The following ECM2 variants were observed in gnomAD, a reference collection of about 807,000 sequenced individuals.
ECM2 encodes extracellular matrix protein 2.
A neutral mutation model predicts 67.5 loss-of-function variants in ECM2; 57 were observed. The ratio of observed to expected loss-of-function variants is 0.84; its 90% confidence interval spans 0.68 to 1.05. The LOEUF (loss-of-function observed/expected upper bound fraction) is 1.05, where lower values mean the gene tolerates loss of function less well. Ranked by LOEUF, ECM2 falls within the 50% of genes least tolerant of loss-of-function variation. The pLI, the probability that ECM2 is intolerant of heterozygous loss-of-function variation, is 0.00. For missense variants in ECM2, 741 were observed against 822.8 expected, an observed-to-expected ratio of 0.90 and a Z score of 1.22; for synonymous variants, 258 against 294.5, an observed-to-expected ratio of 0.88 and a Z score of 1.27.
chr9:92,535,536 TATTA>T (rs1207060187), intron 1 of ECM2, among the ~76,000 whole-genome samples: 1 of 152,150 alleles, frequency 6.6e-6, no homozygotes, highest in Non-Finnish European at 1.5e-5. Context: ...ACTTTAAAAA[TATTA>T]ATTTAGAATT....
intron 2 of ECM2, among the ~76,000 whole-genome samples, chr9:92,520,945 G>A (rs1303254628): frequency 1.3e-5 from 2 of 152,238 alleles, no homozygotes; most frequent in Non-Finnish European, 2.9e-5. Context: ...TGGTTGCCAA[G>A]GGCTGGGAGT....
upstream of ECM2, among the ~76,000 whole-genome samples, chr9:92,537,239 T>C (rs1382689552): frequency 1.3e-5 from 2 of 152,104 alleles, no homozygotes; most frequent in African/African-American, 4.8e-5. Flanking sequence ...TAAATATTTG[T>C]TTAAATGACG....
At chr9:92,549,664 C>CAAA in the ECM2 span, among the ~76,000 whole-genome samples, 1 of 145,050 alleles carries the variant, frequency 6.9e-6, no homozygotes, top group Non-Finnish European at 1.5e-5. Flanking sequence ...AAAAACAAAA[C>CAAA]AAAACAAAAC....
intron 3 of ECM2, among the ~76,000 whole-genome samples, chr9:92,516,447 T>C (rs747632136): frequency 6.6e-5 from 10 of 152,074 alleles, no homozygotes; most frequent in South Asian, 2.1e-4. Context: ...TATAAACTAC[T>C]CCCAAAAAGA....
At chr9:92,521,926 A>C (rs1588223959) in intron 2 of ECM2, among the ~76,000 whole-genome samples, 1 of 152,220 alleles carries the variant, frequency 6.6e-6, no homozygotes, top group Non-Finnish European at 1.5e-5. Flanking sequence ...GATTACAACT[A>C]TTTAAAATAT....
At chr9:92,527,679 T>C (rs949702109) in intron 1 of ECM2, among the ~76,000 whole-genome samples, 2 of 152,086 alleles carry the variant, frequency 1.3e-5, no homozygotes, top group African/African-American at 2.4e-5. Context: ...CAAGCCACAG[T>C]GTCTACCACC....
intron 1 of ECM2, among the ~76,000 whole-genome samples, chr9:92,527,368 A>G (rs1848477563): frequency 6.6e-6 from 1 of 152,194 alleles, no homozygotes; most frequent in Non-Finnish European, 1.5e-5. Flanking sequence ...AGTTTTCAGT[A>G]CAGTCATGGG....
intron 1 of ECM2, among the ~76,000 whole-genome samples, chr9:92,524,540 G>A (rs1371729949): frequency 6.6e-6 from 1 of 152,122 alleles, no homozygotes; most frequent in East Asian, 1.9e-4. Flanking sequence ...AGTTTTGACT[G>A]CCTCTCAGAA....
chr9:92,550,207 C>A, the ECM2 span, among the ~76,000 whole-genome samples: 1 of 152,104 alleles, frequency 6.6e-6, no homozygotes, highest in African/African-American at 2.4e-5. Context: ...ACCATCCTGG[C>A]CAACATGGCG....
Position 92,522,716 on chromosome 9 carries a change from T to C in ECM2, c.151A>G (p.Arg51Gly), listed in dbSNP as rs765740420. The change falls in exon 2 of 10, where the codon AGA (arginine) becomes GGA (glycine). Residue 51 changes from arginine to glycine, a missense_variant. Arg to Gly is a moderately radical substitution (Grantham distance 125). Transcript: ENST00000344604. ...SSTSHKHRSN[R>G]QLGIQQTTVF... The stretch of plus-strand genomic sequence containing the variant: ...GTTGTTTGCTGAATTCCAAGCTGTC[T>C]GTTTGATCTGTGCTTGTGTGAGGTT... The C allele has an allele frequency of 9.3e-6, 15 of 1,614,072 alleles. No homozygotes were observed. The highest frequency in any genetic ancestry group is 1.3e-5 in the Non-Finnish European group (15 of 1,180,036).
the ECM2 span, among the ~76,000 whole-genome samples, chr9:92,546,386 C>G: frequency 6.6e-6 from 1 of 152,176 alleles, no homozygotes; most frequent in African/African-American, 2.4e-5. Context: ...ATAAATCTTG[C>G]TGCTGCTCAC....
intron 1 of ECM2, among the ~76,000 whole-genome samples, chr9:92,531,573 C>T (rs1283658628): frequency 6.6e-6 from 1 of 152,088 alleles, no homozygotes; most frequent in Non-Finnish European, 1.5e-5. Flanking sequence ...ATATTATAGG[C>T]TATTTATCAG....
At chr9:92,532,997 GAATT>G (rs1381836897) in intron 1 of ECM2, among the ~76,000 whole-genome samples, 3 of 151,830 alleles carry the variant, frequency 2.0e-5, no homozygotes, top group African/African-American at 7.3e-5. Flanking sequence ...TCACCATATT[GAATT>G]AATAATTATG....
At chr9:92,545,144 C>T in the ECM2 span, among the ~76,000 whole-genome samples, 3 of 152,220 alleles carry the variant, frequency 2.0e-5, no homozygotes, top group Admixed American at 6.5e-5. Flanking sequence ...CCACTCTGGC[C>T]GTGCTTGAGG....
chr9:92,512,082 G>A lies in ECM2; in HGVS notation c.1099C>T (p.Pro367Ser). ...CTCAGATCAAGCCTTTCCAAATTTG[G>A]TAATCCATTAAATGCTTCATCTGGG... ...SIPDEAFNGL[P>S]NLERLDLSKN... The change falls in exon 5 of 10, where the codon CCA becomes TCA. Residue 367 changes from proline to serine, a missense_variant. Coordinates refer to ENST00000344604, the MANE Select transcript of ECM2 (RefSeq NM_001393.4). 1.2e-6 allele frequency: 2 copies of A among 1,613,796 alleles called. No homozygotes were observed. Among genetic ancestry groups the A allele is most frequent in the Non-Finnish European group, 1.7e-6 (2 of 1,179,844 alleles).
In ECM2 at chr9:92,514,795, A is replaced by G. The variant is rs759968032; in HGVS notation, c.890T>C (p.Met297Thr). 2.5e-6 allele frequency: 4 copies of G among 1,613,846 alleles called. No individual in the cohort carries two copies. The highest frequency in any genetic ancestry group is 1.3e-5 in the African/African-American group (1 of 74,966). ...CGGGGATCGAGAGGGCATTCGGAAC[A>G]TATCTCCTCTTACCGGGTCCTCCTC... ...EDEEDPVRGD[M>T]FRMPSRSPLP... The change falls in exon 4 of 10, where the codon ATG (methionine) becomes ACG (threonine). Residue 297 changes from methionine to threonine, a missense_variant. Transcript: ENST00000344604.
intron 8 of ECM2, among the ~76,000 whole-genome samples, chr9:92,501,732 T>C (rs970633746): frequency 6.6e-6 from 1 of 152,218 alleles, no homozygotes; most frequent in Middle Eastern, 3.2e-3. Context: ...CTGAGCCCAA[T>C]TGGCCTCTCC....
chr9:92,522,516 C>A (rs1848137150), intron 2 of ECM2, 59 bp downstream of exon 2: 3 of 1,448,168 alleles, frequency 2.1e-6, no homozygotes, highest in Non-Finnish European at 2.8e-6. Flanking sequence ...CTTCTCTTTC[C>A]CCATACCATC....
upstream of ECM2, chr9:92,535,996 A>T: frequency 1.9e-6 from 1 of 513,272 alleles, no homozygotes; most frequent in Non-Finnish European, 3.9e-6. Flanking sequence ...AAAATGAAAC[A>T]AAATCAGAGC....
Sources: allele counts gnomAD v4.1 joint callset (sites outside exome capture counted in the v4.1 genomes callset), GRCh38; gene constraint gnomAD v4.1.1; transcripts MANE v1.5; gene names NCBI Gene and HGNC (gene_info 2026-07-23, HGNC 2026-07-21).